The following NLRC3 variants were observed in gnomAD, a reference collection of about 807,000 sequenced individuals.
NLRC3 encodes the protein NLR family CARD domain containing 3.
A neutral mutation model predicts 91.6 loss-of-function variants in NLRC3; 87 were observed. That is an observed-to-expected ratio of 0.95 (90% confidence interval 0.80 to 1.14). The LOEUF (loss-of-function observed/expected upper bound fraction) is 1.14, where lower values mean the gene tolerates loss of function less well. Ranked by LOEUF, NLRC3 falls within the 50% of genes most tolerant of loss-of-function variation. NLRC3 has a pLI of 0.00. For missense variants in NLRC3, 1,577 were observed against 1,418.6 expected (o/e 1.11, Z -1.79); for synonymous variants, 694 against 625.3 (o/e 1.11, Z -1.64).
chr16:3,568,756 G>T (rs1001565034), intron 1 of NLRC3, among the ~76,000 whole-genome samples: 1 of 152,120 alleles, frequency 6.6e-6, no homozygotes, highest in East Asian at 1.9e-4. Flanking sequence ...GATTTGAATT[G>T]ACATTGCCTC....
Position 3,548,747 on chromosome 16 carries a change from T to C in NLRC3, c.2610A>G (p.Thr870=). 1 of 1,601,958 alleles carries C rather than the reference T, an allele frequency of 6.2e-7. No individual in the cohort carries two copies. The highest frequency in any genetic ancestry group is 8.5e-7 in the Non-Finnish European group (1 of 1,174,526). The change falls in exon 14 of 20, where the codon ACA becomes ACG. Residue 870 remains threonine (T), a synonymous_variant. Coordinates refer to ENST00000359128, the MANE Select transcript of NLRC3 (RefSeq NM_178844.4). The stretch of plus-strand genomic sequence containing the variant: ...CACCCTGGTCGTGGAGGAGGTTGGC[T>C]GTCAGGCTAGGAGGAAGGGAACAGG... ...ANSTLKNLDL[T]ANLLHDQGAR...
Position 3,563,035 on chromosome 16 carries a change from G to C in NLRC3, c.1902C>G (p.Pro634=). 1 of 1,556,856 alleles carries C rather than the reference G, an allele frequency of 6.4e-7. No individual in the cohort carries two copies. Among genetic ancestry groups the C allele is most frequent in the Non-Finnish European group, 8.7e-7 (1 of 1,150,818 alleles). ...TGAGCTTCCGGCAGTAGAGCAGCTG[G>C]GGCAGCAGGCTCTGAAGGACGCCCT... is the stretch of plus-strand genomic sequence containing the variant. The part of the protein sequence containing the change: ...LSQGVLQSLL[P]QLLYCRKLRL... Residue 634 remains proline (P), a synonymous_variant, in exon 5 of 20, where the codon CCC becomes CCG. Coordinates refer to ENST00000359128, the MANE Select transcript of NLRC3 (RefSeq NM_178844.4).
chr16:3,539,747 ATGTTT>A lies in NLRC3; in HGVS notation c.*2073_*2077del, dbSNP rs1449015815. On this transcript the variant is annotated 3_prime_UTR_variant, in exon 20 of 20. Transcript: ENST00000359128. The stretch of plus-strand genomic sequence containing the variant: ...TCAGATTTCCCCCCTTTTACAAATA[ATGTTT>A]TGTTTTATTTCCCAGCTACTACAAG... 22 of 152,284 alleles carry A rather than the reference ATGTTT, an allele frequency of 1.4e-4. No individual in the cohort carries two copies. The highest frequency in any genetic ancestry group is 2.6e-4 in the African/African-American group (11 of 41,550). 9.4% of individuals were successfully genotyped at this position (152,284 alleles called of 1,614,324 possible).
At position 3,563,027 on chromosome 16, in the gene NLRC3, A is replaced by G. The variant is rs1465072596; in HGVS notation, c.1910T>C (p.Leu637Pro). Residue 637 changes from leucine to proline, a missense_variant, in exon 5 of 20, where the codon CTC becomes CCC. Transcript: ENST00000359128. ...TATCCACCTGAGCTTCCGGCAGTAG[A>G]GCAGCTGGGGCAGCAGGCTCTGAAG... Reference protein sequence around the residue: ...GVLQSLLPQLLYCRKLRLDTN... With the variant: ...GVLQSLLPQLPYCRKLRLDTN... 6.4e-7 allele frequency: 1 copy of G among 1,555,128 alleles called. No homozygotes were observed. Among genetic ancestry groups the G allele is most frequent in the South Asian group, 1.2e-5 (1 of 84,368 alleles).
In NLRC3 at chr16:3,563,695, C is replaced by A; in HGVS notation, c.1242G>T (p.Val414=). The A allele has an allele frequency of 6.2e-7, 1 of 1,613,738 alleles. No homozygotes were observed. The highest frequency in any genetic ancestry group is 1.1e-5 in the South Asian group (1 of 91,056). The change falls in exon 5 of 20, where the codon GTG becomes GTT. Residue 414 remains valine, a synonymous_variant. Transcript: ENST00000359128. ...AFHGLLKKKY[V]FYEQDMKAFG... is the part of the protein sequence containing the mutation. ...ACGCCTTCATGTCTTGCTCGTAAAACACGTATTTCTTCTTGAGCAGCCCAT... is the reference window on the plus strand; with the variant it reads ...ACGCCTTCATGTCTTGCTCGTAAAAAACGTATTTCTTCTTGAGCAGCCCAT...
intron 9 of NLRC3, among the ~76,000 whole-genome samples, chr16:3,553,930 A>G (rs949402699): frequency 6.9e-6 from 1 of 145,898 alleles, no homozygotes; most frequent in Non-Finnish European, 1.5e-5. Context: ...TTTTTTTAGT[A>G]GAGACGGTGT....
rs2151078569 is a variant in NLRC3, at chr16:3,541,845, TGGG to T, written c.3175_3177del (p.Pro1059del). On this transcript the variant is annotated inframe_deletion, in exon 20 of 20. Transcript: ENST00000359128. ...CAGGATCACATTTCAACAGTGCACG[TGGG>T]AGCATTTGTCTTGATGGCCTCTGAG... 1 of 1,611,184 alleles carries T rather than the reference TGGG, an allele frequency of 6.2e-7. No individual in the cohort carries two copies. The highest frequency in any genetic ancestry group is 1.1e-5 in the South Asian group (1 of 90,718).
intron 7 of NLRC3, 103 bp from the exon 8 acceptor site, chr16:3,557,097 T>A: frequency 3.9e-6 from 3 of 770,974 alleles, no homozygotes; most frequent in Non-Finnish European, 6.7e-6. Context: ...TCTAAGGGAA[T>A]GTGTAAGGGC....
chr16:3,564,186 T>C lies in NLRC3; in HGVS notation c.751A>G (p.Asn251Asp), dbSNP rs1349994231. 6.2e-7 allele frequency: 1 copy of C among 1,613,566 alleles called. No individual in the cohort carries two copies. Among genetic ancestry groups the C allele is most frequent in the Non-Finnish European group, 8.5e-7 (1 of 1,179,878 alleles). The change falls in exon 5 of 20, where the codon AAC (asparagine) becomes GAC (aspartate). Residue 251 changes from asparagine to aspartate, a missense_variant. Coordinates refer to ENST00000359128, the MANE Select transcript of NLRC3 (RefSeq NM_178844.4). This position sits in a 1 kb window ranked among gnomAD's most constrained non-coding sequence, Gnocchi z 5.9. The part of the protein sequence containing the change: ...KEIPVDHLIT[N>D]IIRGNLFPEV... Reference sequence around the variant, plus strand: ...GGAAAGAGGTTGCCACGGATGATGTTGGTGATCAGGTGGTCCACCGGGATC... The same window carrying C: ...GGAAAGAGGTTGCCACGGATGATGTCGGTGATCAGGTGGTCCACCGGGATC...
In NLRC3 at chr16:3,577,315, G is replaced by GCCAA. The variant is rs200478700; in HGVS notation, c.-339_-336dup. 4 of 655,066 alleles carry GCCAA rather than the reference G, an allele frequency of 6.1e-6. No individual in the cohort carries two copies. Among genetic ancestry groups the GCCAA allele is most frequent in the Middle Eastern group, 2.8e-4 (1 of 3,630 alleles). 40.6% of individuals were successfully genotyped at this position (655,066 alleles called of 1,614,324 possible). A position where few individuals can be genotyped will look rare whatever the true frequency, so the allele number is the denominator to read the frequency against. ...GACCAGGGATCAGGGCACTTACCAC[G>GCCAA]CCAACCAACCAACCGTGTGGGGGCC... On this transcript the variant is annotated 5_prime_UTR_variant, in exon 1 of 20. Coordinates refer to ENST00000359128, the MANE Select transcript of NLRC3 (RefSeq NM_178844.4).
chr16:3,542,630 G>A, intron 18 of NLRC3, 62 bp downstream of exon 18: 1 of 959,484 alleles, frequency 1.0e-6, no homozygotes, highest in South Asian at 1.4e-5. Flanking sequence ...TATTCCATCA[G>A]GGAGGACCCA....
chr16:3,551,746 T>TCCATTTAC (rs1555440794), intron 10 of NLRC3, among the ~76,000 whole-genome samples: 1 of 22,498 alleles, frequency 4.4e-5, no homozygotes, highest in African/African-American at 4.6e-4. Context: ...CATCCATCCA[T>TCCATTTAC]CCATTCACCA....
chr16:3,566,630 C>T (rs190792077), intron 2 of NLRC3, among the ~76,000 whole-genome samples: 10 of 152,112 alleles, frequency 6.6e-5, no homozygotes, highest in African/African-American at 2.4e-4. Context: ...GAGGCTGAGG[C>T]AGGAGAATCA....
chr16:3,563,543 G>C lies in NLRC3; in HGVS notation c.1394C>G (p.Ala465Gly), dbSNP rs1452666120. ...CCTCCTGGATGCGCCATAGTAATACGCGGCTGCCACAAACTCCTGCAGGGA... is the reference window on the plus strand; with the variant it reads ...CCTCCTGGATGCGCCATAGTAATACCCGGCTGCCACAAACTCCTGCAGGGA... ...HLSLQEFVAA[A>G]YYYGASRRAI... Residue 465 changes from alanine (A) to glycine (G), a missense_variant, in exon 5 of 20, where the codon GCG (alanine) becomes GGG (glycine). Physicochemically the swap from Ala to Gly is moderately conservative, Grantham distance 60 (BLOSUM62 0). Coordinates refer to ENST00000359128, the MANE Select transcript of NLRC3 (RefSeq NM_178844.4). 4 of 1,609,834 alleles carry C rather than the reference G, an allele frequency of 2.5e-6. No homozygotes were observed. Among genetic ancestry groups the C allele is most frequent in the Non-Finnish European group, 2.5e-6 (3 of 1,178,450 alleles).
chr16:3,557,540 A>T, intron 7 of NLRC3, 53 bp downstream of exon 7: 2 of 1,177,396 alleles, frequency 1.7e-6, no homozygotes, highest in South Asian at 1.3e-5. Flanking sequence ...AAGATGCCTC[A>T]CAACTCTTCT....
chr16:3,543,619 C>T (rs1567457888), intron 16 of NLRC3, 111 bp from the exon 17 acceptor site: 6 of 747,090 alleles, frequency 8.0e-6, no homozygotes, highest in Non-Finnish European at 1.4e-5. Flanking sequence ...AGAAACAGCA[C>T]TGAGAATGGT....
chr16:3,577,270 G>T lies in NLRC3; in HGVS notation c.-290C>A. 2.9e-6 allele frequency: 2 copies of T among 696,742 alleles called. No individual in the cohort carries two copies. Among genetic ancestry groups the T allele is most frequent in the Non-Finnish European group, 5.2e-6 (2 of 381,614 alleles). The allele number at this position is 696,742 out of a possible 1,614,324, so 43.2% of individuals were successfully genotyped here. A position where few individuals can be genotyped will look rare whatever the true frequency, so the allele number is the denominator to read the frequency against. On this transcript the variant is annotated 5_prime_UTR_variant, in exon 1 of 20. Transcript: ENST00000359128. ...GGTGGTAGATGCCCTGGGAATCCCTGTGCCAGCCTGAGTTCTCAGGACCAG... is the reference window on the plus strand; with the variant it reads ...GGTGGTAGATGCCCTGGGAATCCCTTTGCCAGCCTGAGTTCTCAGGACCAG...
intron 6 of NLRC3, among the ~76,000 whole-genome samples, chr16:3,561,343 T>TG (rs1441466440): frequency 6.6e-6 from 1 of 152,032 alleles, no homozygotes; most frequent in African/African-American, 2.4e-5. Context: ...CAAGACTGTC[T>TG]GGGGGGGATA....
At chr16:3,573,844 G>T (rs1024524299) in intron 1 of NLRC3, among the ~76,000 whole-genome samples, 1 of 151,814 alleles carries the variant, frequency 6.6e-6, no homozygotes, top group African/African-American at 2.4e-5. Flanking sequence ...ATAAAGACAG[G>T]GTCCTGCTTT....
Sources: gnomAD v4.1 joint callset for allele counts (sites outside exome capture counted in the v4.1 genomes callset) on GRCh38, gnomAD v4.1.1 for gene constraint, Gnocchi (gnomAD v3.1) non-coding constraint, MANE v1.5 for transcripts, NCBI Gene and HGNC (gene_info 2026-07-23, HGNC 2026-07-21) for gene names.